The following SETX variants were observed in gnomAD, a reference collection of about 807,000 sequenced individuals.
SETX encodes senataxin, also known as helicase senataxin.
In SETX, 90 loss-of-function variants were observed where a neutral mutation model predicts 227.2. The ratio of observed to expected loss-of-function variants is 0.40; its 90% CI spans 0.33 to 0.47. SETX has a LOEUF of 0.47. Ranked by LOEUF, SETX falls within the 20% of genes least tolerant of loss-of-function variation. The probability of loss-of-function intolerance (pLI) is 0.91; values close to 1 mark genes in which losing one functional copy is unlikely to be tolerated. For missense variants in SETX, 3,052 were observed against 3,181.5 expected, an observed-to-expected ratio of 0.96 and a Z score of 0.98; for synonymous variants, 1,210 against 1,113.2, an observed-to-expected ratio of 1.09 and a Z score of -1.73.
rs1357208307 is a variant in SETX at position 132,263,995 on chromosome 9, T to C, written c.*244A>G. 1.8e-6 allele frequency: 1 copy of C among 567,816 alleles called. No individual in the cohort carries two copies. Among genetic ancestry groups the C allele is most frequent in the Non-Finnish European group, 3.1e-6 (1 of 319,420 alleles). 35.2% of individuals were successfully genotyped at this position (567,816 alleles called of 1,614,324 possible). On this transcript the variant is annotated 3_prime_UTR_variant, in exon 26 of 26. Coordinates refer to ENST00000224140, the MANE Select transcript of SETX (RefSeq NM_015046.7). ...TCCTTGTCTATAGAAGACTAAGAGA[T>C]CAACATTTCCAGTCTCTGACTTCAA... is the stretch of plus-strand genomic sequence containing the variant.
intron 23 of SETX, among the ~76,000 whole-genome samples, chr9:132,274,590 C>T (rs578200836): frequency 2.0e-5 from 3 of 151,970 alleles, no homozygotes; most frequent in African/African-American, 7.2e-5. Flanking sequence ...TACGGGAGCG[C>T]GCCACCACGC....
At chr9:132,315,699 T>C (rs1223668172) in intron 10 of SETX, among the ~76,000 whole-genome samples, 1 of 152,190 alleles carries the variant, frequency 6.6e-6, no homozygotes. Context: ...GCACAAAAAT[T>C]GTCCACCCAT....
intron 4 of SETX, among the ~76,000 whole-genome samples, chr9:132,343,191 C>T: frequency 6.6e-6 from 1 of 152,090 alleles, no homozygotes; most frequent in East Asian, 1.9e-4. Flanking sequence ...TGGTGGTGGG[C>T]ACCTGTAGTC....
chr9:132,286,987 ACACT>A (rs1336821159), intron 17 of SETX, among the ~76,000 whole-genome samples: 1 of 152,220 alleles, frequency 6.6e-6, no homozygotes, highest in East Asian at 1.9e-4. Flanking sequence ...TGAGATGCTG[ACACT>A]CACCTTTCTC....
chr9:132,338,689 G>C (rs1259214854), intron 5 of SETX, among the ~76,000 whole-genome samples: 1 of 152,130 alleles, frequency 6.6e-6, no homozygotes, highest in African/African-American at 2.4e-5. Flanking sequence ...TTCCTCTTCT[G>C]TTCTGGGACA....
intron 6 of SETX, among the ~76,000 whole-genome samples, chr9:132,335,385 C>T (rs1423377037): frequency 3.5e-5 from 3 of 86,138 alleles, no homozygotes; most frequent in Non-Finnish European, 4.8e-5. Flanking sequence ...AGCAAGACTC[C>T]GTCTCAAAAA....
intron 10 of SETX, among the ~76,000 whole-genome samples, chr9:132,324,780 C>T (rs770778003): frequency 2.6e-5 from 4 of 152,200 alleles, no homozygotes; most frequent in Non-Finnish European, 4.4e-5. Context: ...GACTATTTAC[C>T]TCAACATTGT....
chr9:132,269,241 G>A (rs758783107), intron 25 of SETX, among the ~76,000 whole-genome samples: 3 of 152,234 alleles, frequency 2.0e-5, no homozygotes, highest in East Asian at 1.9e-4. Flanking sequence ...CAGAGCACGC[G>A]CCTGCAAACT....
In SETX at chr9:132,311,840, A is replaced by G; in HGVS notation, c.5291T>C (p.Leu1764Pro). The G allele has an allele frequency of 6.2e-7, 1 of 1,613,234 alleles. No homozygotes were observed. Among genetic ancestry groups the G allele is most frequent in the Non-Finnish European group, 8.5e-7 (1 of 1,179,500 alleles). Residue 1764 changes from leucine to proline, a missense_variant, in exon 11 of 26, where the codon CTC becomes CCC. Around this residue, in one of 10 missense-constraint regions of SETX, gnomAD observed 239 missense variants for 272.1 expected, o/e 0.88. Coordinates refer to ENST00000224140, the MANE Select transcript of SETX (RefSeq NM_015046.7). The part of the protein sequence containing the change: ...NTFETVAQEW[L>P]NSPNRENFYQ... ...GAAATTCTCTCTATTTGGAGAGTTG[A>G]GCCATTCTTGTGCCACCTATACAAA...
At chr9:132,350,816 GA>G (rs1848562980) in intron 2 of SETX, among the ~76,000 whole-genome samples, 1 of 152,116 alleles carries the variant, frequency 6.6e-6, no homozygotes, top group Non-Finnish European at 1.5e-5. Context: ...TTCTTTAGAA[GA>G]AATTTAATTT....
At chr9:132,342,860 T>C in intron 4 of SETX, 61 bp from the exon 5 acceptor site, 2 of 1,230,926 alleles carry the variant, frequency 1.6e-6, no homozygotes, top group Non-Finnish European at 2.4e-6. Flanking sequence ...ATTCCCTAAA[T>C]TAGGCTCCTT....
Position 132,327,240 on chromosome 9 carries a change from G to A in SETX, c.4358C>T (p.Thr1453Ile). 1.2e-6 allele frequency: 2 copies of A among 1,614,146 alleles called. No homozygotes were observed. The highest frequency in any genetic ancestry group is 1.7e-6 in the Non-Finnish European group (2 of 1,180,022). The change falls in exon 10 of 26, where the codon ACA (threonine) becomes ATA (isoleucine). Residue 1453 changes from threonine (T) to isoleucine (I), a missense_variant. Thr to Ile is a moderately conservative substitution (Grantham distance 89). This residue lies in a region of SETX where 1,483 missense variants were observed against 1,312.0 expected (regional missense o/e 1.13). Transcript: ENST00000224140. ...TGAAGTGGAGACAATTACTTCATTT[G>A]TTGGTACTGTTCCATTTAACACTAC... is the stretch of plus-strand genomic sequence containing the variant. ...DSVVLNGTVP[T>I]NEVIVSTSED...
intron 6 of SETX, among the ~76,000 whole-genome samples, 184 bp downstream of exon 6, chr9:132,336,112 G>A (rs182530589): frequency 1.1e-3 from 172 of 152,212 alleles, no homozygotes; most frequent in African/African-American, 3.9e-3. Flanking sequence ...GTGTGGTGGC[G>A]TTTGCCTGTA....
At position 132,261,666 on chromosome 9, in the gene SETX, T is replaced by A. The variant is rs1564460434; in HGVS notation, c.*2573A>T. 6.5e-6 allele frequency: 1 copy of A among 152,956 alleles called. No individual in the cohort carries two copies. The highest frequency in any genetic ancestry group is 1.5e-5 in the Non-Finnish European group (1 of 68,210). 9.5% of individuals were successfully genotyped at this position (152,956 alleles called of 1,614,324 possible). ...TTTAAAAAATAGTTCAGTACATTTT[T>A]GTTATAAAATTCATTTACAGGAGGT... On this transcript the variant is annotated 3_prime_UTR_variant, in exon 26 of 26. Coordinates refer to ENST00000224140, the MANE Select transcript of SETX (RefSeq NM_015046.7).
chr9:132,299,869 G>A lies in SETX; in HGVS notation c.5548+761C>T, dbSNP rs574101893. 8.4e-4 allele frequency among the ~76,000 whole-genome samples: 127 copies of A among 151,996 alleles called. 1 individual carries two copies. Among genetic ancestry groups the A allele is most frequent in the African/African-American group, 3.0e-3 (124 of 41,480 alleles). Reference sequence around the variant, plus strand: ...TAAGAAGGACAAGTCTCGGCTGGGCGCGGTGGCTCACGCCTGTAATCCCAG... The same window carrying A: ...TAAGAAGGACAAGTCTCGGCTGGGCACGGTGGCTCACGCCTGTAATCCCAG... On this transcript the variant is annotated intron_variant, in intron 12 of 25. Coordinates refer to ENST00000224140, the MANE Select transcript of SETX (RefSeq NM_015046.7).
chr9:132,277,012 G>A (rs544235775), intron 22 of SETX, 48 bp downstream of exon 22: 1 of 1,457,836 alleles, frequency 6.9e-7, no homozygotes, highest in African/African-American at 1.4e-5. Context: ...TGCAAATCAT[G>A]TAACAATTCT....
chr9:132,345,851 C>A (rs1848255286), intron 4 of SETX, among the ~76,000 whole-genome samples: 1 of 152,056 alleles, frequency 6.6e-6, no homozygotes, highest in Non-Finnish European at 1.5e-5. Flanking sequence ...TTCATCTCTA[C>A]AATAAACACA....
At position 132,346,289 on chromosome 9, in the gene SETX, A is replaced by G. The variant is rs146748631; in HGVS notation, c.360T>C (p.Tyr120=). 1.9e-6 allele frequency: 3 copies of G among 1,613,990 alleles called. No homozygotes were observed. The East Asian group carries it at 6.7e-5, about 36-fold the overall frequency. The change falls in exon 4 of 26, where the codon TAT becomes TAC. Residue 120 remains tyrosine, a synonymous_variant. Transcript: ENST00000224140. ...LRVPLLEILK[Y]PYLLLHERVN... The stretch of plus-strand genomic sequence containing the variant: ...CACGTTCATGTAGAAGCAAGTAAGG[A>G]TATTTCAGTATTTCAAGAAGAGGAA...
At chr9:132,311,504 C>T (rs1239923150) in intron 11 of SETX, among the ~76,000 whole-genome samples, 1 of 152,110 alleles carries the variant, frequency 6.6e-6, no homozygotes, top group Non-Finnish European at 1.5e-5. Context: ...CTCACCCTCT[C>T]TCCCATTCCC....
Sources: gnomAD v4.1 joint callset for allele counts (sites outside exome capture counted in the v4.1 genomes callset) on GRCh38, gnomAD v4.1.1 for gene constraint, gnomAD v4.1.1 regional missense constraint, MANE v1.5 for transcripts, NCBI Gene and HGNC (gene_info 2026-07-23, HGNC 2026-07-21) for gene names.